NOL4: variants seen among roughly 807,000 people sequenced by gnomAD.
The protein encoded by NOL4 is cancer/testis antigen 125.
Under a neutral mutation model 75.9 loss-of-function variants are expected in NOL4, and 17 were observed. The observed-to-expected ratio is 0.22, with a 90% confidence interval of 0.15 to 0.34. The LOEUF (loss-of-function observed/expected upper bound fraction) is 0.34. Ranked by LOEUF, NOL4 falls within the 10% of genes least tolerant of loss-of-function variation. NOL4 has a pLI of 1.00. For synonymous variants in NOL4, 292 were observed against 289.9 expected (o/e 1.01, Z -0.07); for missense variants, 614 against 793.5 (o/e 0.77, Z 2.72).
intron 4 of NOL4, among the ~76,000 whole-genome samples, chr18:34,101,175 A>T (rs1025135042): frequency 4.6e-5 from 7 of 152,228 alleles, no homozygotes; most frequent in Non-Finnish European, 4.4e-5. Flanking sequence ...TCCAACTAAA[A>T]TGTATACTCA....
intron 9 of NOL4, among the ~76,000 whole-genome samples, chr18:33,914,706 G>A (rs933108311): frequency 6.6e-6 from 1 of 152,086 alleles, no homozygotes; most frequent in Admixed American, 6.6e-5. Flanking sequence ...TGTGTAATGT[G>A]AAAAGAAGGG....
At chr18:34,117,682 T>G (rs2079924528) in intron 2 of NOL4, among the ~76,000 whole-genome samples, 1 of 152,206 alleles carries the variant, frequency 6.6e-6, no homozygotes, top group South Asian at 2.1e-4. Flanking sequence ...TTTGTGACAA[T>G]GCTGTAATAT....
At chr18:33,973,907 T>C (rs1259497549) in intron 6 of NOL4, among the ~76,000 whole-genome samples, 2 of 152,198 alleles carry the variant, frequency 1.3e-5, no homozygotes, top group African/African-American at 4.8e-5. Flanking sequence ...TTCATAATGA[T>C]AAATGAGCAT....
intron 6 of NOL4, among the ~76,000 whole-genome samples, chr18:33,965,922 G>A (rs1444240343): frequency 6.6e-6 from 1 of 152,104 alleles, no homozygotes; most frequent in Non-Finnish European, 1.5e-5. Context: ...AAAAATGTGG[G>A]AAAGTCTTAA....
chr18:34,162,317 T>C (rs1015243781), intron 1 of NOL4, among the ~76,000 whole-genome samples: 7 of 151,768 alleles, frequency 4.6e-5, no homozygotes, highest in Non-Finnish European at 7.4e-5. Context: ...TTTGAAAGGA[T>C]CAACAAAATT....
At chr18:34,025,779 T>C (rs751474521) in intron 5 of NOL4, among the ~76,000 whole-genome samples, 3 of 152,174 alleles carry the variant, frequency 2.0e-5, no homozygotes, top group Non-Finnish European at 4.4e-5. Context: ...TGAAGTGTAT[T>C]GTGTTTTGGG....
chr18:34,091,559 G>A (rs1334853314), intron 5 of NOL4, among the ~76,000 whole-genome samples: 1 of 151,912 alleles, frequency 6.6e-6, no homozygotes, highest in Non-Finnish European at 1.5e-5. Flanking sequence ...CCAGATCTTG[G>A]ACTCCAGAAC....
intron 1 of NOL4, among the ~76,000 whole-genome samples, chr18:34,130,437 G>A (rs992624759): frequency 4.0e-5 from 6 of 151,638 alleles, no homozygotes; most frequent in Non-Finnish European, 8.8e-5. Context: ...ACTGTAATTC[G>A]AGAAATGAAA....
chr18:33,984,035 T>C (rs1050206064), intron 6 of NOL4, among the ~76,000 whole-genome samples: 3 of 152,118 alleles, frequency 2.0e-5, no homozygotes, highest in Non-Finnish European at 2.9e-5. Flanking sequence ...AACCAAGATA[T>C]AGCCTGTGAA....
intron 1 of NOL4, among the ~76,000 whole-genome samples, chr18:34,142,120 A>T (rs2081194589): frequency 6.6e-6 from 1 of 152,172 alleles, no homozygotes; most frequent in Non-Finnish European, 1.5e-5. Flanking sequence ...GCAAATCAAA[A>T]CCACAATGAG....
chr18:33,936,641 C>G (rs747626015), intron 9 of NOL4, among the ~76,000 whole-genome samples: 5 of 152,048 alleles, frequency 3.3e-5, no homozygotes, highest in Non-Finnish European at 7.4e-5. Context: ...CCTTCTAGGG[C>G]AGTAACTGCT....
chr18:34,209,583 C>G lies in NOL4; in HGVS notation c.264+13407G>C, dbSNP rs141461534. 7.0e-3 allele frequency among the ~76,000 whole-genome samples: 1,063 copies of G among 152,092 alleles called. 12 individuals carry two copies. The highest frequency in any genetic ancestry group is 0.025 in the African/African-American group (1,024 of 41,480). On this transcript the variant is annotated intron_variant, in intron 1 of 10. Coordinates refer to ENST00000261592, the MANE Select transcript of NOL4 (RefSeq NM_003787.5). The stretch of plus-strand genomic sequence containing the variant: ...TGCCCTCCTCTTCTCAACAGCCACC[C>G]AGTGATTATATTTTTGGAGGTCTCA...
At chr18:33,934,871 T>TG (rs966371834) in intron 9 of NOL4, among the ~76,000 whole-genome samples, 1 of 150,942 alleles carries the variant, frequency 6.6e-6, no homozygotes, top group African/African-American at 2.4e-5. Flanking sequence ...CGTTTTTTTT[T>TG]TTTTTTTTTT....
chr18:33,856,398 T>G (rs774627276), intron 10 of NOL4, among the ~76,000 whole-genome samples: 2 of 152,078 alleles, frequency 1.3e-5, no homozygotes, highest in Non-Finnish European at 2.9e-5. Flanking sequence ...AAAAATGTAA[T>G]TGCTTGAGTA....
chr18:33,887,068 A>ATATATATATCTATATATAC (rs2064769695), intron 9 of NOL4, among the ~76,000 whole-genome samples: 2 of 139,480 alleles, frequency 1.4e-5, no homozygotes, highest in African/African-American at 5.3e-5. Flanking sequence ...TCTATATATA[A>ATATATATATCTATATATAC]TATATATATC....
intron 1 of NOL4, among the ~76,000 whole-genome samples, chr18:34,188,802 G>A (rs2034691000): frequency 6.6e-6 from 1 of 152,084 alleles, no homozygotes; most frequent in Non-Finnish European, 1.5e-5. Flanking sequence ...ACCATCATAA[G>A]TCCATCATAA....
intron 2 of NOL4, among the ~76,000 whole-genome samples, chr18:34,119,920 C>A (rs1192605923): frequency 6.6e-6 from 1 of 152,078 alleles, no homozygotes; most frequent in Non-Finnish European, 1.5e-5. Context: ...CCGCGCCCGG[C>A]CTGATTTTTA....
intron 2 of NOL4, among the ~76,000 whole-genome samples, chr18:34,117,167 C>G (rs2079899949): frequency 6.6e-6 from 1 of 152,166 alleles, no homozygotes; most frequent in Non-Finnish European, 1.5e-5. Flanking sequence ...TGAGTTTCAT[C>G]ATTTAATCCT....
At chr18:34,102,725 A>C (rs375987849) in intron 4 of NOL4, among the ~76,000 whole-genome samples, 11 of 151,990 alleles carry the variant, frequency 7.2e-5, no homozygotes, top group African/African-American at 2.2e-4. Flanking sequence ...GCTTCCTACA[A>C]ATAATCTGAC....
Sources: gnomAD v4.1 joint callset for allele counts (sites outside exome capture counted in the v4.1 genomes callset) on GRCh38, gnomAD v4.1.1 for gene constraint, MANE v1.5 for transcripts, NCBI Gene and HGNC (gene_info 2026-07-23, HGNC 2026-07-21) for gene names.